GDI2: variants seen among roughly 807,000 people sequenced by gnomAD.
GDI2 encodes the protein GDP dissociation inhibitor 2.
GDI2 carries 22 observed loss-of-function variants against 54.2 expected under a neutral mutation model. The observed-to-expected ratio is 0.41, with a 90% CI of 0.29 to 0.58. The LOEUF (loss-of-function observed/expected upper bound fraction) is 0.58. GDI2 is among the 20% of genes least tolerant of loss of function. GDI2 has a pLI of 0.35. For missense variants in GDI2, 422 were observed against 546.0 expected (o/e 0.77, Z 2.26); for synonymous variants, 177 against 182.1 (o/e 0.97, Z 0.23).
At chr10:5,792,411 T>C (rs1222845290) in intron 4 of GDI2, among the ~76,000 whole-genome samples, 1 of 152,230 alleles carries the variant, frequency 6.6e-6, no homozygotes, top group Admixed American at 6.5e-5. Flanking sequence ...TGAGTTCTTA[T>C]TAAAATTATA....
At chr10:5,794,154 G>A (rs550929800) in intron 4 of GDI2, among the ~76,000 whole-genome samples, 11 of 125,360 alleles carry the variant, frequency 8.8e-5, no homozygotes, top group African/African-American at 1.5e-4. Context: ...GTGACAGAGC[G>A]AGACTCTGTC....
At chr10:5,775,754 T>C (rs948792805) in intron 6 of GDI2, among the ~76,000 whole-genome samples, 2 of 152,194 alleles carry the variant, frequency 1.3e-5, no homozygotes, top group African/African-American at 2.4e-5. Context: ...AAGTTTAAAA[T>C]TGCCATGTTC....
chr10:5,784,007 T>C (rs1840816599), intron 6 of GDI2, among the ~76,000 whole-genome samples: 1 of 152,096 alleles, frequency 6.6e-6, no homozygotes, highest in Non-Finnish European at 1.5e-5. Flanking sequence ...GGGGAAGTTT[T>C]CCTCAATTAA....
At position 5,774,533 on chromosome 10, in the gene GDI2, C is replaced by G. The variant is rs185952041; in HGVS notation, c.720-592G>C. Among the ~76,000 whole-genome samples the G allele has an allele frequency of 1.3e-5, 2 of 152,260 alleles. No homozygotes were observed. The highest frequency in any genetic ancestry group is 2.9e-5 in the Non-Finnish European group (2 of 68,020). ...GGTTTTCTTCTCCCCTTTCCACTCT[C>G]CCGCTTGCTAACCAATCACCGGAAC... On this transcript the variant is annotated intron_variant, in intron 6 of 10. Transcript: ENST00000380191. The surrounding 1 kb of genome is among the most constrained non-coding windows in gnomAD (Gnocchi z 4.8).
chr10:5,788,915 A>G (rs1840941481), intron 4 of GDI2, among the ~76,000 whole-genome samples: 1 of 152,112 alleles, frequency 6.6e-6, no homozygotes, highest in African/African-American at 2.4e-5. Context: ...GGCATGCACC[A>G]TCAGACCTGG....
At chr10:5,784,272 C>T (rs1397562192) in intron 6 of GDI2, among the ~76,000 whole-genome samples, 1 of 152,176 alleles carries the variant, frequency 6.6e-6, no homozygotes, top group African/African-American at 2.4e-5. Flanking sequence ...CCTTGATTTT[C>T]AGAAGTTGTG....
Position 5,766,359 on chromosome 10 carries a change from G to A in GDI2, c.1137-64C>T, listed in dbSNP as rs965393795. ...ACACCTGACCATGGCTCTGCCTGAG[G>A]TCAACTGAGAGGTACAGATGAATCC... On this transcript the variant is annotated intron_variant, in intron 9 of 10. Coordinates refer to ENST00000380191, the MANE Select transcript of GDI2 (RefSeq NM_001494.4). This position sits in a 1 kb window ranked among gnomAD's most constrained non-coding sequence, Gnocchi z 5.8. 7 of 1,498,170 alleles carry A rather than the reference G, an allele frequency of 4.7e-6. No homozygotes were observed. The African/African-American group carries it at 8.3e-5, about 18-fold the overall frequency. The allele number at this position is 1,498,170 out of a possible 1,614,324, so 92.8% of individuals were successfully genotyped here.
chr10:5,785,978 T>C lies in GDI2; in HGVS notation c.461A>G (p.Asp154Gly), dbSNP rs781732850. 6.2e-7 allele frequency: 1 copy of C among 1,613,222 alleles called. No homozygotes were observed. Among genetic ancestry groups the C allele is most frequent in the East Asian group, 2.2e-5 (1 of 44,856 alleles). The change falls in exon 5 of 11, where the codon GAT (aspartate) becomes GGT (glycine). Residue 154 changes from aspartate (D) to glycine (G), a missense_variant. Asp to Gly is a moderately conservative substitution (Grantham distance 94). Transcript: ENST00000380191. ...LVYVANFDEK[D>G]PRTFEGIDPK... Reference sequence around the variant, plus strand: ...ATCAATGCCTTCAAAAGTTCTTGGATCTTTTTCATCGAAGTTGGCAACATA... The same window carrying C: ...ATCAATGCCTTCAAAAGTTCTTGGACCTTTTTCATCGAAGTTGGCAACATA...
At chr10:5,802,408 G>A (rs1841290403) in intron 1 of GDI2, among the ~76,000 whole-genome samples, 1 of 152,082 alleles carries the variant, frequency 6.6e-6, no homozygotes, top group South Asian at 2.1e-4. Context: ...AGACCATCCT[G>A]GCCAACATGG....
intron 3 of GDI2, 70 bp downstream of exon 3, chr10:5,796,693 T>C (rs1841154017): frequency 2.4e-6 from 2 of 824,072 alleles, no homozygotes; most frequent in Admixed American, 1.8e-5. Flanking sequence ...TAGTACTCTG[T>C]CAAAAGTTAG....
intron 7 of GDI2, among the ~76,000 whole-genome samples, chr10:5,772,142 G>C (rs557808090): frequency 6.6e-6 from 1 of 152,106 alleles, no homozygotes; most frequent in Non-Finnish European, 1.5e-5. Context: ...TACAAGCAGT[G>C]TTACTGTCCC....
At chr10:5,767,531 C>T (rs1328756243) in intron 8 of GDI2, among the ~76,000 whole-genome samples, 1 of 152,050 alleles carries the variant, frequency 6.6e-6, no homozygotes, top group Non-Finnish European at 1.5e-5. Context: ...CACTATGTTA[C>T]CCAGGCTGGT....
Position 5,774,886 on chromosome 10 carries a change from C to CAGGGGA in GDI2, c.720-951_720-946dup, listed in dbSNP as rs766491082. The stretch of plus-strand genomic sequence containing the variant: ...TCTGCCATTTCTCTGGATTCACACC[C>CAGGGGA]AGGGGAAGGGGAAGGGCAAGGGCAA... On this transcript the variant is annotated intron_variant, in intron 6 of 10. Transcript: ENST00000380191. The surrounding 1 kb of genome is among the most constrained non-coding windows in gnomAD (Gnocchi z 4.8). Among the ~76,000 whole-genome samples the CAGGGGA allele has an allele frequency of 4.2e-5, 6 of 142,940 alleles. No individual in the cohort carries two copies. Among genetic ancestry groups the CAGGGGA allele is most frequent in the Non-Finnish European group, 4.8e-5 (3 of 62,940 alleles). 93.8% of individuals were successfully genotyped at this position (142,940 alleles called of 152,430 possible).
At position 5,768,449 on chromosome 10, in the gene GDI2, C is replaced by G; in HGVS notation, c.820-65G>C. On this transcript the variant is annotated intron_variant, in intron 7 of 10. Coordinates refer to ENST00000380191, the MANE Select transcript of GDI2 (RefSeq NM_001494.4). The surrounding 1 kb of genome is among the most constrained non-coding windows in gnomAD (Gnocchi z 4.4). ...GATATAGGGAAACACATCCCATGTT[C>G]ATAGTTTGGAAGACTTAGTATTGTT... The G allele has an allele frequency of 9.6e-7, 1 of 1,043,822 alleles. No homozygotes were observed. Among genetic ancestry groups the G allele is most frequent in the Non-Finnish European group, 1.5e-6 (1 of 683,450 alleles). 64.7% of individuals were successfully genotyped at this position (1,043,822 alleles called of 1,614,324 possible). A position where few individuals can be genotyped will look rare whatever the true frequency, so the allele number is the denominator to read the frequency against.
intron 1 of GDI2, among the ~76,000 whole-genome samples, chr10:5,809,199 C>T (rs557897726): frequency 6.7e-6 from 1 of 149,434 alleles, no homozygotes; most frequent in African/African-American, 2.5e-5. Flanking sequence ...GAGCCGAGAT[C>T]ACATCACTGT....
chr10:5,782,641 A>T (rs1034685662), intron 6 of GDI2, among the ~76,000 whole-genome samples: 2 of 152,332 alleles, frequency 1.3e-5, no homozygotes, highest in African/African-American at 4.8e-5. Flanking sequence ...AACAATTAAA[A>T]AAAAAGAATT....
At chr10:5,785,755 G>A in intron 5 of GDI2, 97 bp downstream of exon 5, 1 of 746,226 alleles carries the variant, frequency 1.3e-6, no homozygotes, top group South Asian at 1.7e-5. Context: ...GTGCAATATG[G>A]CTAAGTATTT....
At chr10:5,781,591 A>G (rs1258220096) in intron 6 of GDI2, among the ~76,000 whole-genome samples, 1 of 146,774 alleles carries the variant, frequency 6.8e-6, no homozygotes, top group Non-Finnish European at 1.5e-5. Context: ...TGCCACTGCA[A>G]TCCGGCCTGG....
At position 5,780,642 on chromosome 10, in the gene GDI2, A is replaced by G. The variant is rs531218595; in HGVS notation, c.719+4500T>C. Among the ~76,000 whole-genome samples, 6 of 152,372 alleles carry G rather than the reference A, an allele frequency of 3.9e-5. No homozygotes were observed. The South Asian group carries it at 8.3e-4, about 21-fold the overall frequency. On this transcript the variant is annotated intron_variant, in intron 6 of 10. Transcript: ENST00000380191. Reference sequence around the variant, plus strand: ...CAGCAAACAATTTCAACATAAAATTAAGACAATTTCATTAACAGCAGCATC... The same window carrying G: ...CAGCAAACAATTTCAACATAAAATTGAGACAATTTCATTAACAGCAGCATC...
Sources: allele counts gnomAD v4.1 joint callset (sites outside exome capture counted in the v4.1 genomes callset), GRCh38; gene constraint gnomAD v4.1.1; non-coding constraint Gnocchi (gnomAD v3.1); transcripts MANE v1.5; gene names NCBI Gene and HGNC (gene_info 2026-07-23, HGNC 2026-07-21).